FYN: variants seen among roughly 807,000 people sequenced by gnomAD.
FYN encodes the protein FYN proto-oncogene, Src family tyrosine kinase, also known as tyrosine-protein kinase Fyn.
FYN carries 10 observed loss-of-function variants against 70.2 expected under a neutral mutation model. The observed-to-expected ratio is 0.14, with a 90% CI of 0.09 to 0.24. FYN has a LOEUF of 0.24. Ranked by LOEUF, FYN falls within the 10% of genes least tolerant of loss-of-function variation. The pLI is 1.00. For synonymous variants in FYN, 236 were observed against 248.6 expected, an observed-to-expected ratio of 0.95 and a Z score of 0.48; for missense variants, 319 against 673.1, an observed-to-expected ratio of 0.47 and a Z score of 5.82.
chr6:111,827,056 CTG>C (rs1391982731), intron 2 of FYN, among the ~76,000 whole-genome samples: 1 of 152,176 alleles, frequency 6.6e-6, no homozygotes, highest in Non-Finnish European at 1.5e-5. Context: ...CCACGCAGAA[CTG>C]TGGTCCTGGA....
At chr6:111,840,984 C>A (rs765567140) in intron 2 of FYN, among the ~76,000 whole-genome samples, 3 of 152,210 alleles carry the variant, frequency 2.0e-5, no homozygotes, top group Non-Finnish European at 4.4e-5. Context: ...TAGGTGAGAG[C>A]TCGTCTTGTC....
At chr6:111,743,466 C>T (rs957834768) in intron 3 of FYN, among the ~76,000 whole-genome samples, 3 of 152,106 alleles carry the variant, frequency 2.0e-5, no homozygotes, top group African/African-American at 7.2e-5. Flanking sequence ...TTCTGGCGAC[C>T]GCATCAGAGA....
chr6:111,849,933 A>C (rs1773638274), intron 1 of FYN, among the ~76,000 whole-genome samples: 1 of 152,050 alleles, frequency 6.6e-6, no homozygotes, highest in Non-Finnish European at 1.5e-5. Context: ...TCCCCGCTAG[A>C]CTGTCAGCTT....
At chr6:111,817,637 T>G (rs1449821737) in intron 2 of FYN, among the ~76,000 whole-genome samples, 2 of 152,206 alleles carry the variant, frequency 1.3e-5, no homozygotes, top group Non-Finnish European at 2.9e-5. Flanking sequence ...CTGGACTCTG[T>G]GTGCATCCAA....
At chr6:111,872,576 A>G (rs1166835394) in intron 1 of FYN, among the ~76,000 whole-genome samples, 1 of 151,980 alleles carries the variant, frequency 6.6e-6, no homozygotes, top group East Asian at 1.9e-4. Context: ...CGGGGCATCA[A>G]TTATTAAGTG....
At chr6:111,733,883 T>C (rs1172145081) in intron 3 of FYN, among the ~76,000 whole-genome samples, 2 of 152,096 alleles carry the variant, frequency 1.3e-5, no homozygotes, top group African/African-American at 4.8e-5. Flanking sequence ...AAGCCAGGAA[T>C]TGGAGACCAG....
At chr6:111,817,122 T>C (rs1055712463) in intron 2 of FYN, among the ~76,000 whole-genome samples, 1 of 152,160 alleles carries the variant, frequency 6.6e-6, no homozygotes, top group Non-Finnish European at 1.5e-5. Context: ...GATTAGCTTA[T>C]AGAGTACAAT....
rs147134350 is a variant in FYN at position 111,846,404 on chromosome 6, A to C, written c.-82+185T>G. ...GAAGGGAGAAAATAGTGGGTCCACCAAAGGAGGTAAGGTTTTCTTTCTATT... is the reference window on the plus strand; with the variant it reads ...GAAGGGAGAAAATAGTGGGTCCACCCAAGGAGGTAAGGTTTTCTTTCTATT... On this transcript the variant is annotated intron_variant, in intron 2 of 13. Transcript: ENST00000354650. Among the ~76,000 whole-genome samples the C allele has an allele frequency of 7.2e-3, 1,090 of 152,314 alleles. 5 individuals are homozygous for C. The highest frequency in any genetic ancestry group is 0.012 in the Admixed American group (191 of 15,298).
intron 12 of FYN, among the ~76,000 whole-genome samples, chr6:111,680,737 GTA>G (rs2128417300): frequency 6.6e-6 from 1 of 152,258 alleles, no homozygotes; most frequent in South Asian, 2.1e-4. Flanking sequence ...GGGTACATTT[GTA>G]CTATTTTAGC....
Position 111,704,018 on chromosome 6 carries a change from G to A in FYN, c.528C>T (p.Arg176=), listed in dbSNP as rs536420930. 10 of 1,613,712 alleles carry A rather than the reference G, an allele frequency of 6.2e-6. No homozygotes were observed. The highest frequency in any genetic ancestry group is 5.0e-5 in the Admixed American group (3 of 59,984). The change falls in exon 7 of 14, where the codon CGC becomes CGT. Residue 176 remains arginine (R), a synonymous_variant. Coordinates refer to ENST00000354650, the MANE Select transcript of FYN (RefSeq NM_002037.5). The part of the protein sequence containing the change: ...FGNPRGTFLI[R]ESETTKGAYS... ...TCTTACCTTTGGTGGTTTCACTCTC[G>A]CGGATAAGAAAGGTACCTCTTGGGT...
chr6:111,750,496 T>C (rs1802437781), intron 3 of FYN, among the ~76,000 whole-genome samples: 1 of 152,210 alleles, frequency 6.6e-6, no homozygotes, highest in African/African-American at 2.4e-5. Context: ...CTCTTTTCTT[T>C]ATAAATTACT....
chr6:111,832,214 A>G (rs963843315), intron 2 of FYN, among the ~76,000 whole-genome samples: 5 of 152,182 alleles, frequency 3.3e-5, no homozygotes, highest in African/African-American at 1.2e-4. Context: ...GTTAGCATCC[A>G]TTACACAAGT....
intron 6 of FYN, among the ~76,000 whole-genome samples, chr6:111,705,155 T>C (rs1800012247): frequency 6.6e-6 from 1 of 152,186 alleles, no homozygotes; most frequent in Admixed American, 6.5e-5. Context: ...ACAGTCTTAA[T>C]GTATATGAAG....
intron 6 of FYN, among the ~76,000 whole-genome samples, chr6:111,705,015 T>A (rs903731879): frequency 5.9e-5 from 9 of 152,210 alleles, no homozygotes; most frequent in Middle Eastern, 3.4e-3. Flanking sequence ...TGAGCCAGGA[T>A]TGCGCCACTG....
intron 3 of FYN, among the ~76,000 whole-genome samples, chr6:111,723,993 T>C (rs186722554): frequency 3.9e-5 from 6 of 152,324 alleles, no homozygotes; most frequent in Admixed American, 6.5e-5. Flanking sequence ...TTTTCACCAA[T>C]TGGATCCTGT....
chr6:111,737,244 A>G (rs1006736097), intron 3 of FYN, among the ~76,000 whole-genome samples: 1 of 152,222 alleles, frequency 6.6e-6, no homozygotes, highest in African/African-American at 2.4e-5. Context: ...TCTCCAGTTC[A>G]ATTCAATTTG....
intron 3 of FYN, among the ~76,000 whole-genome samples, chr6:111,764,388 G>A (rs1803143638): frequency 1.3e-5 from 2 of 152,150 alleles, no homozygotes; most frequent in East Asian, 1.9e-4. Context: ...GGGCAGCATG[G>A]GGAGGAGGAA....
Position 111,831,936 on chromosome 6 carries a change from T to C in FYN, c.-82+14653A>G, listed in dbSNP as rs531912086. On this transcript the variant is annotated intron_variant, in intron 2 of 13. Transcript: ENST00000354650. ...AAGAAAGAATAAAGAATAATACAACTGTCTGAGTGAATATCTTATACCTGA... is the reference window on the plus strand; with the variant it reads ...AAGAAAGAATAAAGAATAATACAACCGTCTGAGTGAATATCTTATACCTGA... Among the ~76,000 whole-genome samples, 14 of 152,290 alleles carry C rather than the reference T, an allele frequency of 9.2e-5. No homozygotes were observed. The South Asian group carries it at 2.9e-3, about 32-fold the overall frequency.
intron 4 of FYN, among the ~76,000 whole-genome samples, chr6:111,716,233 A>G (rs1247376271): frequency 6.6e-6 from 1 of 152,176 alleles, no homozygotes; most frequent in Non-Finnish European, 1.5e-5. Context: ...AGCTAGGGCT[A>G]AGCAGTTATT....
Sources: allele counts gnomAD v4.1 joint callset (sites outside exome capture counted in the v4.1 genomes callset), GRCh38; gene constraint gnomAD v4.1.1; transcripts MANE v1.5; gene names NCBI Gene and HGNC (gene_info 2026-07-23, HGNC 2026-07-21).